The following SNX12 variants were observed in gnomAD, a reference collection of about 807,000 sequenced individuals.
The protein encoded by SNX12 is sorting nexin 12, also known as sorting nexin-12.
For synonymous variants in SNX12, 47 were observed against 56.0 expected (o/e 0.84, Z 0.71); for missense variants, 62 against 141.3 (o/e 0.44, Z 2.84).
rs2092132137 is a variant in SNX12 at position 71,061,744 on chromosome X, T to G, written c.386+99A>C. On this transcript the variant is annotated intron_variant, in intron 3 of 3. Coordinates refer to ENST00000374274, the MANE Select transcript of SNX12 (RefSeq NM_013346.4). ...TGAGACTCTGTCTCAAATAAATAAA[T>G]AAGTAAATAAAAATAAAATAAAAGG... is the stretch of plus-strand genomic sequence containing the variant. 5 of 756,962 alleles carry G rather than the reference T, an allele frequency of 6.6e-6. No individual in the cohort carries two copies. The East Asian group carries it at 1.8e-4, about 27-fold the overall frequency. The allele number at this position is 756,962 out of a possible 1,213,427, so 62.4% of individuals were successfully genotyped here. A position where few individuals can be genotyped will look rare whatever the true frequency, so the allele number is the denominator to read the frequency against.
chrX:71,071,597 A>ATATATTATATATAAATATATAAT (rs1569477479), upstream of SNX12, among the ~76,000 whole-genome samples: 29 of 49,096 alleles, frequency 5.9e-4, no homozygotes, highest in African/African-American at 2.0e-3. Context: ...TATAATATTT[A>ATATATTATATATAAATATATAAT]TATATATTAT....
chrX:71,070,799 A>G (rs1171111498), upstream of SNX12, among the ~76,000 whole-genome samples: 6 of 108,595 alleles, frequency 5.5e-5, no homozygotes, highest in African/African-American at 2.0e-4. Context: ...GGCAGTATGT[A>G]TTTTTTTTTT....
upstream of SNX12, among the ~76,000 whole-genome samples, chrX:71,072,632 T>A (rs1320087340): frequency 9.0e-6 from 1 of 111,183 alleles, no homozygotes; most frequent in Admixed American, 9.7e-5. Context: ...CAAAGAAGGA[T>A]TTGTTTTTTA....
chrX:71,062,711 G>A (rs751404352), intron 2 of SNX12, 143 bp downstream of exon 2: 49 of 447,399 alleles, frequency 1.1e-4, no homozygotes, highest in African/African-American at 6.3e-4. Flanking sequence ...GTATCCCCCC[G>A]ATCTAAAATA....
At chrX:71,061,749 A>C (rs2092132172) in intron 3 of SNX12, 94 bp downstream of exon 3, 7 of 768,091 alleles carry the variant, frequency 9.1e-6, no homozygotes, top group Admixed American at 6.8e-5. Flanking sequence ...ATAAATAAGT[A>C]AATAAAAATA....
chrX:71,067,833 C>G (rs62609561), intron 1 of SNX12, among the ~76,000 whole-genome samples: 26,635 of 109,330 alleles, frequency 0.24, 2,869 homozygotes, highest in Middle Eastern at 0.46. Context: ...TCGCTACAGC[C>G]GTGATTCCTA....
chrX:71,069,033 C>G (rs1421120385), upstream of SNX12, among the ~76,000 whole-genome samples: 1 of 112,232 alleles, frequency 8.9e-6, no homozygotes, highest in African/African-American at 3.2e-5. Flanking sequence ...ATTGAGGGTA[C>G]TTATTTCATA....
chrX:71,065,161 G>A (rs1417726722), intron 1 of SNX12, among the ~76,000 whole-genome samples: 2 of 110,492 alleles, frequency 1.8e-5, no homozygotes, highest in Non-Finnish European at 3.8e-5. Context: ...CTTGAGGTCA[G>A]GAGTTCGAGA....
At position 71,068,129 on chromosome X, in the gene SNX12, C is replaced by A. The variant is rs1422181112; in HGVS notation, c.165+13G>T. The A allele has an allele frequency of 2.5e-6, 3 of 1,194,088 alleles. No individual in the cohort carries two copies. The highest frequency in any genetic ancestry group is 3.4e-6 in the Non-Finnish European group (3 of 887,712). On this transcript the variant is annotated intron_variant, in intron 1 of 3. Coordinates refer to ENST00000374274, the MANE Select transcript of SNX12 (RefSeq NM_013346.4). ...GGTCCTCCCTCAGCTGTCTCCCTCA[C>A]CCCGTGACTCACCCGCATGCGAACC... is the stretch of plus-strand genomic sequence containing the variant.
upstream of SNX12, among the ~76,000 whole-genome samples, chrX:71,069,727 G>A (rs746127351): frequency 8.9e-6 from 1 of 111,790 alleles, no homozygotes; most frequent in South Asian, 3.7e-4. Flanking sequence ...GATCACTTGA[G>A]GTCAAGAGTT....
In SNX12 at chrX:71,060,177, G is replaced by A. The variant is rs2092126061; in HGVS notation, c.*839C>T. 8.9e-6 allele frequency: 1 copy of A among 112,042 alleles called. No homozygotes were observed. Among genetic ancestry groups the A allele is most frequent in the African/African-American group, 3.3e-5 (1 of 30,744 alleles). 9.2% of individuals were successfully genotyped at this position (112,042 alleles called of 1,213,427 possible). ...ACCCTTCAGGGAGTTACCTGGCAGT[G>A]GTGAGTTGCCCCCACCCCTCAAGCC... On this transcript the variant is annotated 3_prime_UTR_variant, in exon 4 of 4. Coordinates refer to ENST00000374274, the MANE Select transcript of SNX12 (RefSeq NM_013346.4).
upstream of SNX12, among the ~76,000 whole-genome samples, chrX:71,072,632 T>C (rs1320087340): frequency 9.0e-6 from 1 of 111,183 alleles, no homozygotes; most frequent in African/African-American, 3.3e-5. Context: ...CAAAGAAGGA[T>C]TTGTTTTTTA....
At chrX:71,067,086 A>T (rs2092156603) in intron 1 of SNX12, among the ~76,000 whole-genome samples, 1 of 112,547 alleles carries the variant, frequency 8.9e-6, no homozygotes, top group Non-Finnish European at 1.9e-5. Flanking sequence ...AGAAGAAAAC[A>T]TAAGGAAAAC....
upstream of SNX12, among the ~76,000 whole-genome samples, chrX:71,070,633 C>T (rs1047060473): frequency 3.6e-5 from 4 of 111,073 alleles, no homozygotes; most frequent in Non-Finnish European, 5.7e-5. Flanking sequence ...AGCTCGAGGG[C>T]GAGGTCAGGG....
intron 1 of SNX12, among the ~76,000 whole-genome samples, chrX:71,064,374 T>C (rs939507310): frequency 1.8e-5 from 2 of 112,431 alleles, no homozygotes; most frequent in Admixed American, 1.9e-4. Context: ...CATTGCCTGA[T>C]ACACTATTGT....
chrX:71,064,945 A>T (rs989595515), intron 1 of SNX12, among the ~76,000 whole-genome samples: 4 of 113,050 alleles, frequency 3.5e-5, no homozygotes, highest in African/African-American at 1.3e-4. Flanking sequence ...CAAATAGGCC[A>T]TCAAAAGCCA....
intron 3 of SNX12, 138 bp from the exon 4 acceptor site, chrX:71,061,256 C>T: frequency 2.1e-6 from 1 of 484,131 alleles, no homozygotes; most frequent in Non-Finnish European, 3.6e-6. Flanking sequence ...TAGGGTACCA[C>T]CTCAACCCTA....
At position 71,060,646 on chromosome X, in the gene SNX12, A is replaced by G. The variant is rs762154332; in HGVS notation, c.*370T>C. The G allele has an allele frequency of 3.6e-5, 6 of 168,937 alleles. No individual in the cohort carries two copies. The highest frequency in any genetic ancestry group is 1.8e-4 in the African/African-American group (6 of 33,210). 13.9% of individuals were successfully genotyped at this position (168,937 alleles called of 1,213,427 possible). A position where few individuals can be genotyped will look rare whatever the true frequency, so the allele number is the denominator to read the frequency against. On this transcript the variant is annotated 3_prime_UTR_variant, in exon 4 of 4. Coordinates refer to ENST00000374274, the MANE Select transcript of SNX12 (RefSeq NM_013346.4). The stretch of plus-strand genomic sequence containing the variant: ...GTTCTTGGTTAAACCTAAGAGTAAG[A>G]AAAATCCCCTGAACTTGCAGCATCA...
At chrX:71,068,886 G>T (rs2092165149), upstream of SNX12, among the ~76,000 whole-genome samples, 2 of 112,031 alleles carry the variant, frequency 1.8e-5, no homozygotes, top group Admixed American at 1.9e-4. Context: ...TCAGCACTAC[G>T]TATGGCGCCA....
Sources: allele counts gnomAD v4.1 joint callset (sites outside exome capture counted in the v4.1 genomes callset), GRCh38; gene constraint gnomAD v4.1.1; transcripts MANE v1.5; gene names NCBI Gene and HGNC (gene_info 2026-07-23, HGNC 2026-07-21).